The following ADAMTSL3 variants were observed in gnomAD, a reference collection of about 807,000 sequenced individuals.
ADAMTSL3 encodes ADAMTS like 3, also known as ADAMTS-like protein 3.
Under a neutral mutation model 201.7 loss-of-function variants are expected in ADAMTSL3, and 128 were observed. The ratio of observed to expected loss-of-function variants is 0.63; its 90% confidence interval spans 0.55 to 0.73. The LOEUF (loss-of-function observed/expected upper bound fraction) is 0.73. Among genes scored for constraint, ADAMTSL3 ranks in the 30% least tolerant of loss-of-function variants. ADAMTSL3 has a pLI of 0.00. For synonymous variants in ADAMTSL3, 738 were observed against 748.4 expected (o/e 0.99, Z 0.23); for missense variants, 1,990 against 2,119.6 (o/e 0.94, Z 1.20).
chr15:83,863,921 TA>T (rs1417271242), intron 8 of ADAMTSL3, among the ~76,000 whole-genome samples: 2 of 151,982 alleles, frequency 1.3e-5, no homozygotes, highest in Non-Finnish European at 2.9e-5. Flanking sequence ...TAAAAAATGA[TA>T]AAGGGGATAT....
chr15:83,892,237 A>G (rs2065515856), intron 12 of ADAMTSL3, among the ~76,000 whole-genome samples: 1 of 147,978 alleles, frequency 6.8e-6, no homozygotes, highest in South Asian at 2.1e-4. Flanking sequence ...TAAATTAATT[A>G]AAATTTAAAA....
At chr15:83,892,923 C>T (rs760228432) in intron 13 of ADAMTSL3, 35 bp downstream of exon 13, 29 of 1,584,198 alleles carry the variant, frequency 1.8e-5, no homozygotes, top group Middle Eastern at 1.8e-4. Context: ...TTAATTAATT[C>T]TCATATTTTA....
chr15:83,730,364 G>A (rs1186106477), intron 3 of ADAMTSL3, among the ~76,000 whole-genome samples: 1 of 152,022 alleles, frequency 6.6e-6, no homozygotes, highest in Non-Finnish European at 1.5e-5. Flanking sequence ...TACAGGTGGA[G>A]GAACTACAGG....
intron 17 of ADAMTSL3, among the ~76,000 whole-genome samples, chr15:83,931,899 C>T (rs569951438): frequency 3.3e-5 from 5 of 152,158 alleles, no homozygotes; most frequent in East Asian, 1.9e-4. Flanking sequence ...ATGGAAGTAA[C>T]GTCAGAGAAT....
chr15:83,908,334 T>A (rs1207190001), intron 15 of ADAMTSL3, among the ~76,000 whole-genome samples: 1 of 152,216 alleles, frequency 6.6e-6, no homozygotes, highest in African/African-American at 2.4e-5. Flanking sequence ...AAGAAAATGA[T>A]AGAATTTGTT....
intron 3 of ADAMTSL3, among the ~76,000 whole-genome samples, chr15:83,763,876 G>GCC (rs1194733751): frequency 6.6e-6 from 1 of 152,164 alleles, no homozygotes; most frequent in Non-Finnish European, 1.5e-5. Context: ...AGACCTGCAG[G>GCC]CCAGATTCCT....
At chr15:83,659,059 G>A (rs145582656) in intron 2 of ADAMTSL3, among the ~76,000 whole-genome samples, 5 of 152,280 alleles carry the variant, frequency 3.3e-5, no homozygotes, top group East Asian at 1.9e-4. Context: ...GCCCTCCACC[G>A]TGTTTGCCCC....
At chr15:83,968,804 C>A (rs961335459) in intron 19 of ADAMTSL3, among the ~76,000 whole-genome samples, 6 of 151,768 alleles carry the variant, frequency 4.0e-5, no homozygotes, top group African/African-American at 1.2e-4. Flanking sequence ...TGTGGAACAC[C>A]ATGGAGTACT....
rs570348567 is a variant in ADAMTSL3 at position 83,849,624 on chromosome 15, C to A, written c.728-9142C>A. Among the ~76,000 whole-genome samples, 16 of 152,294 alleles carry A rather than the reference C, an allele frequency of 1.1e-4. 1 individual carries two copies. Among genetic ancestry groups the A allele is most frequent in the Admixed American group, 1.0e-3 (16 of 15,294 alleles). ...TACTGTACTTACAATTGCTTCCTCT[C>A]TTTATCATCGCCTCCAGCTCCAGGT... On this transcript the variant is annotated intron_variant, in intron 7 of 29. Coordinates refer to ENST00000286744, the MANE Select transcript of ADAMTSL3 (RefSeq NM_207517.3).
chr15:83,739,744 T>C, intron 3 of ADAMTSL3: 1 of 444,684 alleles, frequency 2.2e-6, no homozygotes. Flanking sequence ...CACCAGCCCT[T>C]CACCTCCTCC....
intron 1 of ADAMTSL3, 67 bp from the exon 2 acceptor site, chr15:83,655,662 C>A: frequency 8.2e-7 from 1 of 1,220,862 alleles, no homozygotes; most frequent in South Asian, 1.3e-5. Flanking sequence ...TAATGGGTCG[C>A]TTAAGTCACG....
chr15:83,706,749 G>T (rs1375273699), intron 3 of ADAMTSL3, among the ~76,000 whole-genome samples: 1 of 151,834 alleles, frequency 6.6e-6, no homozygotes, highest in Non-Finnish European at 1.5e-5. Flanking sequence ...ACACTTAGGT[G>T]ATCCTCCTGC....
At chr15:83,955,301 C>T (rs919796627) in intron 19 of ADAMTSL3, among the ~76,000 whole-genome samples, 5 of 152,196 alleles carry the variant, frequency 3.3e-5, no homozygotes, top group Non-Finnish European at 4.4e-5. Context: ...CCATCATCAT[C>T]AGCAGTCCGT....
intron 25 of ADAMTSL3, among the ~76,000 whole-genome samples, chr15:84,017,717 C>T (rs2068113338): frequency 6.6e-6 from 1 of 152,202 alleles, no homozygotes; most frequent in South Asian, 2.1e-4. Flanking sequence ...CTCTTTTAAA[C>T]ATAATACTAA....
chr15:83,921,050 T>TAC (rs1410706580), intron 16 of ADAMTSL3, among the ~76,000 whole-genome samples: 2 of 152,226 alleles, frequency 1.3e-5, no homozygotes, highest in Admixed American at 6.5e-5. Context: ...CTGAAATTTA[T>TAC]TTTCTAGAGT....
chr15:83,783,623 T>A (rs922208621), intron 4 of ADAMTSL3, among the ~76,000 whole-genome samples: 2 of 151,900 alleles, frequency 1.3e-5, no homozygotes, highest in Non-Finnish European at 2.9e-5. Flanking sequence ...AAAGTAGAAT[T>A]TAAAGGAAGA....
At chr15:83,911,755 A>G (rs2065939357) in intron 15 of ADAMTSL3, among the ~76,000 whole-genome samples, 2 of 152,210 alleles carry the variant, frequency 1.3e-5, no homozygotes, top group African/African-American at 2.4e-5. Flanking sequence ...GCCTGGGGAA[A>G]GAAGGTTGGA....
intron 19 of ADAMTSL3, among the ~76,000 whole-genome samples, chr15:83,953,475 A>G (rs931921386): frequency 1.3e-5 from 2 of 151,982 alleles, no homozygotes; most frequent in Admixed American, 1.3e-4. Context: ...GTTTCTCTTT[A>G]TGTTTTATTG....
intron 3 of ADAMTSL3, among the ~76,000 whole-genome samples, chr15:83,732,188 A>G (rs2062289159): frequency 6.6e-6 from 1 of 152,038 alleles, no homozygotes; most frequent in African/African-American, 2.4e-5. Context: ...CAACAAACCC[A>G]TTGCTTTGAT....
Sources: gnomAD v4.1 joint callset for allele counts (sites outside exome capture counted in the v4.1 genomes callset) on GRCh38, gnomAD v4.1.1 for gene constraint, MANE v1.5 for transcripts, NCBI Gene and HGNC (gene_info 2026-07-23, HGNC 2026-07-21) for gene names.